The following RPUSD1 variants were observed in gnomAD, a reference collection of about 807,000 sequenced individuals.
RPUSD1 encodes the protein RNA pseudouridine synthase domain containing 1.
RPUSD1 carries 28 observed loss-of-function variants against 22.4 expected under a neutral mutation model. The ratio of observed to expected loss-of-function variants is 1.25; its 90% confidence interval spans 0.93 to 1.72. RPUSD1 has a LOEUF of 1.72. Among genes scored for constraint, RPUSD1 ranks in the 40% most tolerant of loss-of-function variants. The pLI, the probability that RPUSD1 is intolerant of heterozygous loss-of-function variation, is 0.00. For missense variants in RPUSD1, 596 were observed against 442.2 expected, an observed-to-expected ratio of 1.35 and a Z score of -3.12; for synonymous variants, 298 against 201.0, an observed-to-expected ratio of 1.48 and a Z score of -4.08.
chr16:786,903 G>A lies in RPUSD1; in HGVS notation c.435C>T (p.Leu145=), dbSNP rs770849101. 5.0e-6 allele frequency: 8 copies of A among 1,613,210 alleles called. No homozygotes were observed. The South Asian group carries it at 5.5e-5, about 11-fold the overall frequency. The change falls in exon 5 of 6, where the codon CTC becomes CTT. Residue 145 remains leucine, a synonymous_variant. Coordinates refer to ENST00000007264, the MANE Select transcript of RPUSD1 (RefSeq NM_058192.3). ...CGTGTTCCAGAACCACGAGATCTGT[G>A]AGGCTTGGCTTTGGGTTCTCACAAC... The part of the protein sequence containing the change: ...SQGCENPKPS[L]TDLVVLEHGL...
chr16:787,263 G>A (rs1596727106), intron 3 of RPUSD1, 84 bp from the exon 4 acceptor site: 18 of 1,543,758 alleles, frequency 1.2e-5, no homozygotes, highest in Middle Eastern at 2.0e-4. Flanking sequence ...CAACCACGTA[G>A]AGCGTGGTGG....
At position 787,564 on chromosome 16, in the gene RPUSD1, G is replaced by C. The variant is rs769471694; in HGVS notation, c.174C>G (p.Tyr58Ter). Residue 58 changes from tyrosine to a stop codon, truncating the protein, a stop_gained, in exon 2 of 6, where the codon TAC (tyrosine) becomes TAG (stop). Transcript: ENST00000007264. LOFTEE classifies it high-confidence loss of function. ...CCGGCCGCCCCCCCTACCTGAACCC[G>C]TAGCAGGTGTCAGGGTCGGCCAGCT... ...FPELADPDTC[Y>*]GFRFCHQLDF... The C allele has an allele frequency of 1.2e-6, 2 of 1,610,472 alleles. No individual in the cohort carries two copies. Among genetic ancestry groups the C allele is most frequent in the Non-Finnish European group, 8.5e-7 (1 of 1,179,732 alleles).
chr16:787,076 C>T lies in RPUSD1; in HGVS notation c.409+1G>A, dbSNP rs1354867672. The stretch of plus-strand genomic sequence containing the variant: ...GCCCGGTGGGTCCCTGCCTGCCACA[C>T]CCTGCGAGCCCTCGATGCACATGGT... On this transcript the variant is annotated splice_donor_variant, in intron 4 of 5. Transcript: ENST00000007264. LOFTEE classifies it high-confidence loss of function. 1 of 1,604,168 alleles carries T rather than the reference C, an allele frequency of 6.2e-7. No homozygotes were observed. The highest frequency in any genetic ancestry group is 1.7e-5 in the Admixed American group (1 of 59,422).
rs762754089 is a variant in RPUSD1 at position 786,870 on chromosome 16, G to C, written c.468C>G (p.Tyr156Ter). The change falls in exon 5 of 6, where the codon TAC (tyrosine) becomes TAG (stop). Residue 156 changes from tyrosine (Y) to a stop codon, truncating the protein, a stop_gained. Coordinates refer to ENST00000007264, the MANE Select transcript of RPUSD1 (RefSeq NM_058192.3). LOFTEE classifies it low-confidence loss of function (END_TRUNC). ...TDLVVLEHGLYAGDPVSKVLL... is the reference protein window; with the variant it reads ...TDLVVLEHGL ...GCACTTTGGAGACAGGATCGCCTGC[G>C]TACAGCCCGTGTTCCAGAACCACGA... 1.2e-6 allele frequency: 2 copies of C among 1,613,172 alleles called. No homozygotes were observed. The highest frequency in any genetic ancestry group is 2.7e-5 in the African/African-American group (2 of 74,906).
rs774267786 is a variant in RPUSD1 at position 787,380 on chromosome 16, G to A, written c.280C>T (p.Arg94Cys). ...GSAYRCFKER[R>C]VTKAYLALLR... ...AATGCCAGGTAAGCCTTGGTCACGC[G>A]CCGCTCCTTGAAGCACCTGTACGCG... is the stretch of plus-strand genomic sequence containing the variant. The change falls in exon 3 of 6, where the codon CGC becomes TGC. Residue 94 changes from arginine (R) to cysteine (C), a missense_variant. Coordinates refer to ENST00000007264, the MANE Select transcript of RPUSD1 (RefSeq NM_058192.3). The A allele has an allele frequency of 5.7e-6, 9 of 1,589,652 alleles. No homozygotes were observed. Among genetic ancestry groups the A allele is most frequent in the Middle Eastern group, 1.7e-4 (1 of 5,874 alleles).
Position 786,227 on chromosome 16 carries a change from C to T in RPUSD1, c.662G>A (p.Cys221Tyr), listed in dbSNP as rs772271953. 2 of 1,612,680 alleles carry T rather than the reference C, an allele frequency of 1.2e-6. No individual in the cohort carries two copies. Among genetic ancestry groups the T allele is most frequent in the Admixed American group, 1.7e-5 (1 of 60,006 alleles). The change falls in exon 6 of 6, where the codon TGT (cysteine) becomes TAT (tyrosine). Residue 221 changes from cysteine to tyrosine, a missense_variant. Cys to Tyr is a radical substitution (Grantham distance 194, BLOSUM62 -2). Coordinates refer to ENST00000007264, the MANE Select transcript of RPUSD1 (RefSeq NM_058192.3). ...FYLRIPTDTE[C>Y]VEVCTPDPFL... ...GGGGTCAGGCGTGCAGACCTCCACA[C>T]ACTCGGTGTCCGTGGGGATGCGCAG... is the stretch of plus-strand genomic sequence containing the variant.
Position 786,354 on chromosome 16 carries a change from G to T in RPUSD1, c.535C>A (p.His179Asn). 6.2e-7 allele frequency: 1 copy of T among 1,610,012 alleles called. No homozygotes were observed. The highest frequency in any genetic ancestry group is 8.5e-7 in the Non-Finnish European group (1 of 1,178,138). ...ACGGGGTGGCCCAGGGCACTGCAGT[G>T]CACGCGCAGCTGGTGTGTCCGGCCT... ...LTGRTHQLRV[H>N]CSALGHPVVG... is the part of the protein sequence containing the mutation. The change falls in exon 6 of 6, where the codon CAC (histidine) becomes AAC (asparagine). Residue 179 changes from histidine (H) to asparagine (N), a missense_variant. Physicochemically the swap from His to Asn is moderately conservative, Grantham distance 68. Coordinates refer to ENST00000007264, the MANE Select transcript of RPUSD1 (RefSeq NM_058192.3).
intron 1 of RPUSD1, 132 bp downstream of exon 1, chr16:788,124 C>T (rs1437037955): frequency 6.5e-6 from 3 of 463,980 alleles, no homozygotes; most frequent in Admixed American, 5.0e-5. Context: ...CAGGTCTGCC[C>T]GCAGCGCGGG....
At chr16:786,707 C>T (rs577910854) in intron 5 of RPUSD1, 120 bp downstream of exon 5, 24 of 865,892 alleles carry the variant, frequency 2.8e-5, no homozygotes, top group Admixed American at 2.2e-4. Context: ...GAGTTAAGAA[C>T]GCAGGAGTGC....
In RPUSD1 at chr16:785,265, C is replaced by G. The variant is rs2041863209; in HGVS notation, c.*685G>C. 6.6e-6 allele frequency: 1 copy of G among 152,466 alleles called. No homozygotes were observed. The highest frequency in any genetic ancestry group is 1.5e-5 in the Non-Finnish European group (1 of 68,248). The allele number at this position is 152,466 out of a possible 1,614,324, so 9.4% of individuals were successfully genotyped here. On this transcript the variant is annotated 3_prime_UTR_variant, in exon 6 of 6. Transcript: ENST00000007264. ...CTTGGCCATGGCCCCTGACCAACCCCTGTGCACCAAACACCACACTGAGCT... is the reference window on the plus strand; with the variant it reads ...CTTGGCCATGGCCCCTGACCAACCCGTGTGCACCAAACACCACACTGAGCT...
rs761592295 is a variant in RPUSD1, at chr16:787,020, C to A, written c.409+57G>T. The A allele has an allele frequency of 7.0e-6, 11 of 1,566,950 alleles. No individual in the cohort carries two copies. The Admixed American group carries it at 1.4e-4, about 20-fold the overall frequency. On this transcript the variant is annotated intron_variant, in intron 4 of 5. Coordinates refer to ENST00000007264, the MANE Select transcript of RPUSD1 (RefSeq NM_058192.3). The stretch of plus-strand genomic sequence containing the variant: ...CGATGCCCGCCCGGTGGGTCCCTGC[C>A]TGCCCAGGCCCACCCCAACCCACGA...
intron 1 of RPUSD1, 50 bp from the exon 2 acceptor site, chr16:787,794 C>CA: frequency 6.3e-7 from 1 of 1,577,550 alleles, no homozygotes; most frequent in South Asian, 1.1e-5. Context: ...GGTGCGCCCC[C>CA]AGCCCAGCAT....
Position 786,068 on chromosome 16 carries a change from G to T in RPUSD1, c.821C>A (p.Ala274Glu), listed in dbSNP as rs1196092332. Residue 274 changes from alanine to glutamate, a missense_variant, in exon 6 of 6, where the codon GCA becomes GAA. Coordinates refer to ENST00000007264, the MANE Select transcript of RPUSD1 (RefSeq NM_058192.3). Reference protein sequence around the residue: ...DRGPRPGSPSALLPGPGRPPP... With the variant: ...DRGPRPGSPSELLPGPGRPPP... ...AGGCCGGCCGGGCCCAGGCAGGAGTGCGGAGGGGCTGCCTGGCCTGGGGCC... is the reference window on the plus strand; with the variant it reads ...AGGCCGGCCGGGCCCAGGCAGGAGTTCGGAGGGGCTGCCTGGCCTGGGGCC... 6.4e-7 allele frequency: 1 copy of T among 1,555,384 alleles called. No homozygotes were observed. The highest frequency in any genetic ancestry group is 1.2e-5 in the South Asian group (1 of 83,668).
Position 786,277 on chromosome 16 carries a change from G to C in RPUSD1, c.612C>G (p.Phe204Leu). 6.2e-7 allele frequency: 1 copy of C among 1,612,758 alleles called. No homozygotes were observed. The highest frequency in any genetic ancestry group is 8.5e-7 in the Non-Finnish European group (1 of 1,179,938). The change falls in exon 6 of 6, where the codon TTC (phenylalanine) becomes TTG (leucine). Residue 204 changes from phenylalanine to leucine, a missense_variant. Physicochemically the swap from Phe to Leu is conservative, Grantham distance 22 (BLOSUM62 0). Coordinates refer to ENST00000007264, the MANE Select transcript of RPUSD1 (RefSeq NM_058192.3). Reference protein sequence around the residue: ...GEVSGREDRPFRMMLHAFYLR... With the variant: ...GEVSGREDRPLRMMLHAFYLR... ...GGTAGAAAGCGTGCAGCATCATTCT[G>C]AACGGCCGGTCCTCCCGGCCCGAGA...
In RPUSD1 at chr16:787,451, G is replaced by C; in HGVS notation, c.209C>G (p.Thr70Ser). The change falls in exon 3 of 6, where the codon ACC (threonine) becomes AGC (serine). Residue 70 changes from threonine to serine, a missense_variant. Transcript: ENST00000007264. ...TAGGGCCACGCACAGCGCCCCGCTG[G>C]TGGAGAAATCCAGCTGGTGGCAGAA... ...FRFCHQLDFS[T>S]SGALCVALNK... The C allele has an allele frequency of 6.3e-7, 1 of 1,584,314 alleles. No homozygotes were observed. The highest frequency in any genetic ancestry group is 1.1e-5 in the South Asian group (1 of 88,058).
At chr16:786,804 G>C in intron 5 of RPUSD1, 23 bp downstream of exon 5, 1 of 1,595,306 alleles carries the variant, frequency 6.3e-7, no homozygotes, top group South Asian at 1.1e-5. Flanking sequence ...TCACCACCAG[G>C]ACACCGCCCA....
In RPUSD1 at chr16:787,565, T is replaced by C. The variant is rs1596730098; in HGVS notation, c.173A>G (p.Tyr58Cys). ...FPELADPDTCYGFRFCHQLDF... is the reference protein window; with the variant it reads ...FPELADPDTCCGFRFCHQLDF... Reference sequence around the variant, plus strand: ...CGGCCGCCCCCCCTACCTGAACCCGTAGCAGGTGTCAGGGTCGGCCAGCTC... The same window carrying C: ...CGGCCGCCCCCCCTACCTGAACCCGCAGCAGGTGTCAGGGTCGGCCAGCTC... The change falls in exon 2 of 6, where the codon TAC (tyrosine) becomes TGC (cysteine). Residue 58 changes from tyrosine (Y) to cysteine (C), a missense_variant. Transcript: ENST00000007264. 1.2e-6 allele frequency: 2 copies of C among 1,610,790 alleles called. No individual in the cohort carries two copies. The highest frequency in any genetic ancestry group is 1.7e-6 in the Non-Finnish European group (2 of 1,179,756).
In RPUSD1 at chr16:786,014, G is replaced by C. The variant is rs1039467620; in HGVS notation, c.875C>G (p.Thr292Ser). Residue 292 changes from threonine to serine, a missense_variant, in exon 6 of 6, where the codon ACT (threonine) becomes AGT (serine). By Grantham distance (58) the Thr-to-Ser change is moderately conservative (BLOSUM62 1). Transcript: ENST00000007264. ...CAGGCAGGGGCCCCGCTGTGCCTCA[G>C]TCTCAGGGGGCTTGGTTGGGGGTGG... is the stretch of plus-strand genomic sequence containing the variant. ...PPPPPTKPPE[T>S]EAQRGPCLQW... 6.7e-7 allele frequency: 1 copy of C among 1,487,720 alleles called. No homozygotes were observed. The highest frequency in any genetic ancestry group is 1.4e-5 in the African/African-American group (1 of 71,530). The allele number at this position is 1,487,720 out of a possible 1,614,324, so 92.2% of individuals were successfully genotyped here.
At position 787,573 on chromosome 16, in the gene RPUSD1, G is replaced by A. The variant is rs767716811; in HGVS notation, c.165C>T (p.Asp55=). 8 of 1,611,028 alleles carry A rather than the reference G, an allele frequency of 5.0e-6. No homozygotes were observed. The highest frequency in any genetic ancestry group is 6.8e-6 in the Non-Finnish European group (8 of 1,179,876). ...RYRFPELADP[D]TCYGFRFCHQ... ...CCCCCTACCTGAACCCGTAGCAGGTGTCAGGGTCGGCCAGCTCGGGAAAGC... is the reference window on the plus strand; with the variant it reads ...CCCCCTACCTGAACCCGTAGCAGGTATCAGGGTCGGCCAGCTCGGGAAAGC... The change falls in exon 2 of 6, where the codon GAC becomes GAT. Residue 55 remains aspartate (D), a synonymous_variant. Transcript: ENST00000007264.
Sources: gnomAD v4.1 joint callset for allele counts on GRCh38, gnomAD v4.1.1 for gene constraint, MANE v1.5 for transcripts, NCBI Gene and HGNC (gene_info 2026-07-23, HGNC 2026-07-21) for gene names.